The following ACAD11 variants were observed in gnomAD, a reference collection of about 807,000 sequenced individuals.
ACAD11 encodes the protein acyl-Coenzyme A dehydrogenase family, member 11.
Under a neutral mutation model 102.2 loss-of-function variants are expected in ACAD11, and 83 were observed. The observed-to-expected ratio is 0.81, with a 90% CI of 0.68 to 0.97. The LOEUF (loss-of-function observed/expected upper bound fraction) is 0.97. Among genes scored for constraint, ACAD11 ranks in the 50% least tolerant of loss-of-function variants. The probability of loss-of-function intolerance (pLI) is 0.00; values close to 1 mark genes in which losing one functional copy is unlikely to be tolerated. For synonymous variants in ACAD11, 324 were observed against 319.8 expected (o/e 1.01, Z -0.14); for missense variants, 901 against 951.7 (o/e 0.95, Z 0.70).
chr3:132,636,173 G>A (rs1216278246), intron 5 of ACAD11, among the ~76,000 whole-genome samples: 2 of 152,110 alleles, frequency 1.3e-5, no homozygotes, highest in African/African-American at 4.8e-5. Context: ...AAATTAATTA[G>A]CAATAGCTAA....
intron 13 of ACAD11, among the ~76,000 whole-genome samples, chr3:132,583,345 T>G (rs1447905084): frequency 6.6e-6 from 1 of 152,192 alleles, no homozygotes; most frequent in Non-Finnish European, 1.5e-5. Flanking sequence ...CATAGAGGTG[T>G]TTATAGTATT....
intron 11 of ACAD11, among the ~76,000 whole-genome samples, chr3:132,614,589 T>C (rs1939321263): frequency 6.6e-6 from 1 of 152,174 alleles, no homozygotes; most frequent in Non-Finnish European, 1.5e-5. Context: ...ATTTCCTATT[T>C]AATAAATGGT....
Position 132,575,896 on chromosome 3 carries a change from C to G in ACAD11, c.1877G>C (p.Gly626Ala). ...GTGGATTCTGCCAGGTCCAAGGCGG[C>G]CTTGGGAAATTTCAAATCCCCTACC... is the stretch of plus-strand genomic sequence containing the variant. Reference protein sequence around the residue: ...GEGRGFEISQGRLGPGRIHHC... With the variant: ...GEGRGFEISQARLGPGRIHHC... Residue 626 changes from glycine to alanine, a missense_variant, in exon 17 of 20, where the codon GGC becomes GCC. Transcript: ENST00000264990. The G allele has an allele frequency of 1.9e-6, 3 of 1,613,870 alleles. No homozygotes were observed. The highest frequency in any genetic ancestry group is 2.5e-6 in the Non-Finnish European group (3 of 1,179,942).
chr3:132,604,078 A>G (rs972404850), intron 12 of ACAD11, among the ~76,000 whole-genome samples: 2 of 152,190 alleles, frequency 1.3e-5, no homozygotes, highest in African/African-American at 4.8e-5. Flanking sequence ...TATTCAATAA[A>G]TGCCTATTAC....
At chr3:132,645,319 G>A (rs932539581) in intron 1 of ACAD11, among the ~76,000 whole-genome samples, 2 of 152,184 alleles carry the variant, frequency 1.3e-5, no homozygotes, top group South Asian at 2.1e-4. Flanking sequence ...TCTGCCTTTA[G>A]AGAGATAACC....
chr3:132,638,058 C>T (rs905257812), intron 5 of ACAD11, among the ~76,000 whole-genome samples: 3 of 151,970 alleles, frequency 2.0e-5, no homozygotes, highest in Non-Finnish European at 4.4e-5. Flanking sequence ...TCTGAAGAAG[C>T]TTGACAAGTA....
intron 11 of ACAD11, among the ~76,000 whole-genome samples, chr3:132,612,761 C>T (rs1939212985): frequency 6.6e-6 from 1 of 151,958 alleles, no homozygotes; most frequent in Admixed American, 6.6e-5. Flanking sequence ...AATAGGAACA[C>T]TTTTACACTG....
chr3:132,560,401 G>A (rs149417987), intron 18 of ACAD11, among the ~76,000 whole-genome samples: 4 of 152,222 alleles, frequency 2.6e-5, no homozygotes, highest in African/African-American at 4.8e-5. Flanking sequence ...GTATCATGCT[G>A]TGCATTTTTT....
At chr3:132,599,773 C>G (rs1487884001) in intron 13 of ACAD11, among the ~76,000 whole-genome samples, 1 of 151,988 alleles carries the variant, frequency 6.6e-6, no homozygotes, top group African/African-American at 2.4e-5. Context: ...ATACAATAAG[C>G]AAGTAGTGAC....
chr3:132,642,597 TTAAG>T (rs1306717126), intron 3 of ACAD11, 76 bp downstream of exon 3: 6 of 1,367,300 alleles, frequency 4.4e-6, no homozygotes, highest in African/African-American at 3.0e-5. Context: ...ATATCATTTA[TTAAG>T]TATCATAATA....
intron 11 of ACAD11, among the ~76,000 whole-genome samples, chr3:132,616,126 C>T (rs1348495427): frequency 6.6e-6 from 1 of 152,154 alleles, no homozygotes; most frequent in Non-Finnish European, 1.5e-5. Flanking sequence ...GGTACCTTCA[C>T]CACAAAGAGA....
chr3:132,653,153 C>T (rs866552364), intron 1 of ACAD11, among the ~76,000 whole-genome samples: 2 of 152,302 alleles, frequency 1.3e-5, no homozygotes, highest in Admixed American at 6.5e-5. Context: ...CAGCAAACCT[C>T]AAAGTGAACC....
At chr3:132,599,530 T>C (rs1938475076) in intron 13 of ACAD11, among the ~76,000 whole-genome samples, 1 of 151,618 alleles carries the variant, frequency 6.6e-6, no homozygotes, top group African/African-American at 2.4e-5. Flanking sequence ...ATATTAAATA[T>C]TAAAAAAGAA....
At chr3:132,615,025 G>A (rs1939347745) in intron 11 of ACAD11, among the ~76,000 whole-genome samples, 1 of 152,166 alleles carries the variant, frequency 6.6e-6, no homozygotes, top group Non-Finnish European at 1.5e-5. Flanking sequence ...TATATGAACA[G>A]ACACTTCTCG....
In ACAD11 at chr3:132,570,600, C is replaced by T. The variant is rs575235568; in HGVS notation, c.2001+5172G>A. On this transcript the variant is annotated intron_variant, in intron 17 of 19. Coordinates refer to ENST00000264990, the MANE Select transcript of ACAD11 (RefSeq NM_032169.5). ...TGGGGGTTTATTATACAGATTATTT[C>T]GTCACTCAGGTATTAATCCTAGTAC... Among the ~76,000 whole-genome samples the T allele has an allele frequency of 4.2e-4, 64 of 152,018 alleles. No homozygotes were observed. In the Middle Eastern group the frequency reaches 0.01, roughly 24 times the overall value.
At chr3:132,632,456 C>G (rs554620187) in intron 5 of ACAD11, among the ~76,000 whole-genome samples, 1 of 152,098 alleles carries the variant, frequency 6.6e-6, no homozygotes, top group African/African-American at 2.4e-5. Context: ...TAGTATATAG[C>G]GTATGATCCA....
rs113456867 is a variant in ACAD11, at chr3:132,638,645, A to G, written c.702+847T>C. Among the ~76,000 whole-genome samples the G allele has an allele frequency of 7.2e-3, 1,095 of 152,330 alleles. 10 individuals are homozygous for G. Among genetic ancestry groups the G allele is most frequent in the African/African-American group, 0.026 (1,063 of 41,572 alleles). On this transcript the variant is annotated intron_variant, in intron 5 of 19. Transcript: ENST00000264990. The stretch of plus-strand genomic sequence containing the variant: ...TTGTTATCTACTATAGAGACTCAAT[A>G]TTATGTAGACTCGACTAAAATATTA...
At position 132,575,795 on chromosome 3, in the gene ACAD11, A is replaced by T; in HGVS notation, c.1978T>A (p.Phe660Ile). Residue 660 changes from phenylalanine (F) to isoleucine (I), a missense_variant, in exon 17 of 20, where the codon TTC becomes ATC. Physicochemically the swap from Phe to Ile is conservative, Grantham distance 21 (BLOSUM62 0). Transcript: ENST00000264990. Reference protein sequence around the residue: ...MCERATQRIAFKKKLYAHEVV... With the variant: ...MCERATQRIAIKKKLYAHEVV... ...ACATGTGCATACAACTTCTTCTTGAAAGCTATCCTTTGTGTTGCCCGCTCA... is the reference window on the plus strand; with the variant it reads ...ACATGTGCATACAACTTCTTCTTGATAGCTATCCTTTGTGTTGCCCGCTCA... The T allele has an allele frequency of 6.2e-7, 1 of 1,614,042 alleles. No individual in the cohort carries two copies. Among genetic ancestry groups the T allele is most frequent in the Admixed American group, 1.7e-5 (1 of 60,020 alleles).
At position 132,562,289 on chromosome 3, in the gene ACAD11, G is replaced by C. The variant is rs766566067; in HGVS notation, c.2002-1072C>G. On this transcript the variant is annotated intron_variant, in intron 17 of 19. Coordinates refer to ENST00000264990, the MANE Select transcript of ACAD11 (RefSeq NM_032169.5). ...TGGCTAATTTTTGTATTTTTTAGTA[G>C]AGACAGGGTTTCACCATATTGGCCA... is the stretch of plus-strand genomic sequence containing the variant. Among the ~76,000 whole-genome samples, 49 of 152,078 alleles carry C rather than the reference G, an allele frequency of 3.2e-4. 1 individual carries two copies. Among genetic ancestry groups the C allele is most frequent in the Admixed American group, 3.0e-3 (46 of 15,272 alleles).
Sources: gnomAD v4.1 joint callset for allele counts (sites outside exome capture counted in the v4.1 genomes callset) on GRCh38, gnomAD v4.1.1 for gene constraint, MANE v1.5 for transcripts, NCBI Gene and HGNC (gene_info 2026-07-23, HGNC 2026-07-21) for gene names.